SPPL3: variants seen among roughly 807,000 people sequenced by gnomAD.
The protein encoded by SPPL3 is signal peptide peptidase like 3.
In SPPL3, 5 loss-of-function variants were observed where a neutral mutation model predicts 42.4. That is an observed-to-expected ratio of 0.12 (90% CI 0.06 to 0.25). The LOEUF (loss-of-function observed/expected upper bound fraction) is 0.25. Ranked by LOEUF, SPPL3 falls within the 10% of genes least tolerant of loss-of-function variation. The pLI is 1.00. For synonymous variants in SPPL3, 195 were observed against 181.8 expected, an observed-to-expected ratio of 1.07 and a Z score of -0.58; for missense variants, 235 against 489.0, an observed-to-expected ratio of 0.48 and a Z score of 4.90.
In SPPL3 at chr12:120,904,120, G is replaced by A; in HGVS notation, c.-253C>T. 1 of 306,240 alleles carries A rather than the reference G, an allele frequency of 3.3e-6. No individual in the cohort carries two copies. Among genetic ancestry groups the A allele is most frequent in the Non-Finnish European group, 5.9e-6 (1 of 168,150 alleles). 19.0% of individuals were successfully genotyped at this position (306,240 alleles called of 1,614,324 possible). On this transcript the variant is annotated 5_prime_UTR_variant, in exon 1 of 11. Transcript: ENST00000353487. Reference sequence around the variant, plus strand: ...CTCCCTCACCCGCGGCGGCGGCGGCGGCTCCGCTGCAGCTCCAAACCCAAC... The same window carrying A: ...CTCCCTCACCCGCGGCGGCGGCGGCAGCTCCGCTGCAGCTCCAAACCCAAC...
chr12:120,806,776 G>A (rs887066414), intron 2 of SPPL3, among the ~76,000 whole-genome samples: 2 of 151,768 alleles, frequency 1.3e-5, no homozygotes, highest in Non-Finnish European at 2.9e-5. Context: ...GAAGCCGGGA[G>A]GCAGAGCTTG....
At chr12:120,900,336 G>C (rs1435932756) in intron 1 of SPPL3, among the ~76,000 whole-genome samples, 1 of 151,992 alleles carries the variant, frequency 6.6e-6, no homozygotes, top group African/African-American at 2.4e-5. Context: ...GCAGGACCAG[G>C]CACTGTTGCT....
chr12:120,850,994 GTCTCCTT>G (rs1170431822), intron 1 of SPPL3, among the ~76,000 whole-genome samples: 124 of 152,274 alleles, frequency 8.1e-4, no homozygotes, highest in African/African-American at 2.9e-3. Context: ...CATCTGCAAA[GTCTCCTT>G]TCCTATATTC....
intron 6 of SPPL3, among the ~76,000 whole-genome samples, chr12:120,775,524 T>G (rs986918264): frequency 6.6e-6 from 1 of 152,228 alleles, no homozygotes; most frequent in Non-Finnish European, 1.5e-5. Context: ...CATAGGTTAG[T>G]AGCAATTGCT....
intron 5 of SPPL3, 54 bp from the exon 6 acceptor site, chr12:120,782,821 A>T: frequency 2.3e-6 from 3 of 1,323,686 alleles, no homozygotes; most frequent in Non-Finnish European, 3.2e-6. Context: ...TCAGTAACCA[A>T]ATTCTCCTTT....
At chr12:120,825,794 T>G in intron 1 of SPPL3, among the ~76,000 whole-genome samples, 1 of 152,150 alleles carries the variant, frequency 6.6e-6, no homozygotes, top group Non-Finnish European at 1.5e-5. Flanking sequence ...GTAGATAAAT[T>G]GGGCAGAAGA....
At chr12:120,820,872 T>C (rs1015559241) in intron 1 of SPPL3, among the ~76,000 whole-genome samples, 1 of 152,176 alleles carries the variant, frequency 6.6e-6, no homozygotes, top group Non-Finnish European at 1.5e-5. Flanking sequence ...GCAGGAGGAT[T>C]GCTTGAGCCT....
At chr12:120,812,178 A>C (rs1282585137) in intron 1 of SPPL3, among the ~76,000 whole-genome samples, 2 of 150,110 alleles carry the variant, frequency 1.3e-5, no homozygotes, top group Non-Finnish European at 3.0e-5. Flanking sequence ...TCTGTTACCC[A>C]GTCTGGAGTG....
At chr12:120,844,371 C>T (rs1427428582) in intron 1 of SPPL3, among the ~76,000 whole-genome samples, 9 of 152,210 alleles carry the variant, frequency 5.9e-5, no homozygotes, top group African/African-American at 2.2e-4. Context: ...TACTCCCATT[C>T]TCCTTCGCTC....
At chr12:120,900,205 CT>C (rs1873931989) in intron 1 of SPPL3, among the ~76,000 whole-genome samples, 1 of 152,018 alleles carries the variant, frequency 6.6e-6, no homozygotes, top group African/African-American at 2.4e-5. Context: ...CTGCATATGC[CT>C]TTATATTCTT....
intron 1 of SPPL3, among the ~76,000 whole-genome samples, chr12:120,826,292 C>CAAA (rs11341939): frequency 4.2e-5 from 5 of 118,640 alleles, no homozygotes; most frequent in Admixed American, 8.9e-5. Flanking sequence ...AAACTGTCTC[C>CAAA]AAAAAAAAAA....
chr12:120,818,823 TATTA>T (rs143430784), intron 1 of SPPL3, among the ~76,000 whole-genome samples: 98,595 of 151,606 alleles, frequency 0.65, 32,371 homozygotes, highest in East Asian at 0.84. Context: ...AAAGTTAAAA[TATTA>T]TTTATACACA....
chr12:120,853,983 TACACACACACACACACACACAC>T (rs58246859), intron 1 of SPPL3, among the ~76,000 whole-genome samples: 1 of 130,216 alleles, frequency 7.7e-6, no homozygotes, highest in Non-Finnish European at 1.6e-5. Flanking sequence ...CACGCACACA[TACACACACACACACACACACAC>T]ACACACACAC....
chr12:120,881,367 G>A (rs1159140670), intron 1 of SPPL3, among the ~76,000 whole-genome samples: 1 of 148,764 alleles, frequency 6.7e-6, no homozygotes, highest in Non-Finnish European at 1.5e-5. Flanking sequence ...TACTTGGGAG[G>A]CTGAGGCAGG....
intron 1 of SPPL3, among the ~76,000 whole-genome samples, chr12:120,866,564 G>C (rs1161358018): frequency 1.3e-5 from 2 of 152,104 alleles, no homozygotes; most frequent in African/African-American, 4.8e-5. Flanking sequence ...CCTGAAAAAG[G>C]CATGTTCAAA....
intron 1 of SPPL3, among the ~76,000 whole-genome samples, chr12:120,831,357 C>T (rs570279111): frequency 2.0e-5 from 3 of 152,204 alleles, no homozygotes; most frequent in African/African-American, 7.2e-5. Flanking sequence ...TCTGGAGAAC[C>T]CTAATACAAT....
chr12:120,800,686 G>A (rs111724304), intron 2 of SPPL3, among the ~76,000 whole-genome samples: 19 of 151,982 alleles, frequency 1.3e-4, no homozygotes, highest in African/African-American at 4.6e-4. Context: ...TGACTGAACA[G>A]GAAGTAGTTA....
chr12:120,845,906 CTATT>C (rs1275136437), intron 1 of SPPL3, among the ~76,000 whole-genome samples: 2 of 126,644 alleles, frequency 1.6e-5, no homozygotes, highest in Non-Finnish European at 3.5e-5. Context: ...ATCTATCTAT[CTATT>C]TTTTTGAGGC....
At chr12:120,818,305 T>C (rs976065774) in intron 1 of SPPL3, among the ~76,000 whole-genome samples, 1 of 151,760 alleles carries the variant, frequency 6.6e-6, no homozygotes, top group African/African-American at 2.4e-5. Flanking sequence ...GATGTATCAG[T>C]ATAGGCCAGC....
Sources: gnomAD v4.1 joint callset for allele counts (sites outside exome capture counted in the v4.1 genomes callset) on GRCh38, gnomAD v4.1.1 for gene constraint, MANE v1.5 for transcripts, NCBI Gene and HGNC (gene_info 2026-07-23, HGNC 2026-07-21) for gene names.